DMD: variants seen among roughly 807,000 people sequenced by gnomAD.
DMD encodes dystrophin, also known as mutant dystrophin.
In DMD, 63 loss-of-function variants were observed where a neutral mutation model predicts 330.1. The ratio of observed to expected loss-of-function variants is 0.19; its 90% CI spans 0.16 to 0.24. The LOEUF (loss-of-function observed/expected upper bound fraction) is 0.24. Ranked by LOEUF, DMD falls within the 10% of genes least tolerant of loss-of-function variation. The pLI is 1.00. For missense variants in DMD, 3,344 were observed against 2,684.1 expected (o/e 1.25, Z -5.43); for synonymous variants, 1,223 against 959.8 (o/e 1.27, Z -5.07).
At chrX:31,736,003 T>A (rs1178107703) in intron 51 of DMD, among the ~76,000 whole-genome samples, 1 of 110,754 alleles carries the variant, frequency 9.0e-6, no homozygotes. Flanking sequence ...AAATTCTTAA[T>A]TTTTTTTTAA....
chrX:32,530,412 G>A (rs934777634), intron 17 of DMD, among the ~76,000 whole-genome samples: 3 of 111,995 alleles, frequency 2.7e-5, no homozygotes, highest in East Asian at 2.8e-4. Context: ...ATATTTTGAC[G>A]TCTGGTAGGT....
chrX:33,304,520 T>A (rs1216478814), intron 1 of DMD, among the ~76,000 whole-genome samples: 2 of 110,568 alleles, frequency 1.8e-5, no homozygotes, highest in East Asian at 5.7e-4. Flanking sequence ...GGACTTCATG[T>A]CTAAAACACC....
intron 23 of DMD, 87 bp from the exon 24 acceptor site, chrX:32,464,786 C>G: frequency 1.5e-6 from 1 of 663,613 alleles, no homozygotes; most frequent in Non-Finnish European, 2.5e-6. Context: ...AACACAGGCC[C>G]AAAAACAATT....
intron 2 of DMD, 47 bp downstream of exon 2, chrX:33,020,092 A>T (rs779755807): frequency 9.4e-7 from 1 of 1,067,107 alleles, no homozygotes; most frequent in Non-Finnish European, 1.3e-6. Context: ...CCATTTTGAA[A>T]ATTTCACAAC....
chrX:32,054,199 T>A (rs938253969), intron 44 of DMD, among the ~76,000 whole-genome samples: 1 of 108,985 alleles, frequency 9.2e-6, no homozygotes, highest in Non-Finnish European at 1.9e-5. Flanking sequence ...TCTTCTTTTT[T>A]TTTTTTATTA....
intron 44 of DMD, among the ~76,000 whole-genome samples, chrX:32,017,927 C>A (rs2095777240): frequency 9.0e-6 from 1 of 111,318 alleles, no homozygotes; most frequent in African/African-American, 3.3e-5. Flanking sequence ...ATGCTTTTTT[C>A]CCCCTTCTAA....
rs150647092 is a variant in DMD, at chrX:32,624,667, G to A, written c.1332-10214C>T. 6.8e-3 allele frequency among the ~76,000 whole-genome samples: 753 copies of A among 111,396 alleles called. 9 individuals are homozygous for A. Among genetic ancestry groups the A allele is most frequent in the African/African-American group, 0.023 (703 of 30,626 alleles). On this transcript the variant is annotated intron_variant, in intron 11 of 78. Coordinates refer to ENST00000357033, the MANE Select transcript of DMD (RefSeq NM_004006.3). ...ACTGCCCAAGGGATATCAATGCTTC[G>A]GATCCATTAATCACATTTTAAGGAG...
intron 1 of DMD, among the ~76,000 whole-genome samples, chrX:33,318,834 C>T (rs976026108): frequency 9.0e-6 from 1 of 111,071 alleles, no homozygotes; most frequent in African/African-American, 3.3e-5. Flanking sequence ...CTCTTCTTAA[C>T]ATGCTCATGT....
intron 56 of DMD, among the ~76,000 whole-genome samples, chrX:31,501,968 C>G (rs1886226285): frequency 9.0e-6 from 1 of 111,445 alleles, no homozygotes; most frequent in Non-Finnish European, 1.9e-5. Context: ...AACGAATCCA[C>G]ACACCTACAG....
rs942634837 is a variant in DMD at position 33,190,027 on chromosome X, G to C, written c.31+21255C>G. Among the ~76,000 whole-genome samples, 8 of 111,372 alleles carry C rather than the reference G, an allele frequency of 7.2e-5. 1 individual carries two copies. Among genetic ancestry groups the C allele is most frequent in the African/African-American group, 2.6e-4 (8 of 30,653 alleles). On this transcript the variant is annotated intron_variant, in intron 1 of 78. Coordinates refer to ENST00000357033, the MANE Select transcript of DMD (RefSeq NM_004006.3). ...GCTTTATTTCAGCTAACAAAGAATA[G>C]CCCTACACAAAGGAATTGCAAATAT... is the stretch of plus-strand genomic sequence containing the variant.
intron 1 of DMD, among the ~76,000 whole-genome samples, chrX:33,331,526 T>C (rs768173585): frequency 1.8e-5 from 2 of 111,980 alleles, no homozygotes; most frequent in East Asian, 2.8e-4. Context: ...GTTGTAACAA[T>C]GTCATGACCA....
chrX:32,949,255 C>CACAT (rs1258979700), intron 2 of DMD, among the ~76,000 whole-genome samples: 1 of 16,676 alleles, frequency 6.0e-5, no homozygotes, highest in Non-Finnish European at 1.3e-4. Context: ...GTTACATACA[C>CACAT]ACACACACAC....
At chrX:33,162,169 A>G (rs2048802307) in intron 1 of DMD, among the ~76,000 whole-genome samples, 1 of 112,193 alleles carries the variant, frequency 8.9e-6, no homozygotes. Context: ...TTCCTCTTGG[A>G]TAAGAGATAG....
chrX:31,846,131 G>A (rs1415802670), intron 48 of DMD, among the ~76,000 whole-genome samples: 1 of 110,207 alleles, frequency 9.1e-6, no homozygotes, highest in Non-Finnish European at 1.9e-5. Flanking sequence ...ATGAAAAGGG[G>A]TGCCACCATG....
intron 43 of DMD, among the ~76,000 whole-genome samples, chrX:32,253,278 G>T (rs1474269762): frequency 9.0e-6 from 1 of 110,512 alleles, no homozygotes; most frequent in Non-Finnish European, 1.9e-5. Flanking sequence ...GACACTAAGA[G>T]AATAGAAGTT....
intron 42 of DMD, among the ~76,000 whole-genome samples, chrX:32,295,302 T>A (rs73462026): frequency 0.064 from 7,182 of 111,739 alleles, 552 homozygotes; most frequent in African/African-American, 0.22. Flanking sequence ...TCCAATAAGT[T>A]AAAGAAGACC....
chrX:31,624,819 A>C (rs1011167774), intron 55 of DMD, among the ~76,000 whole-genome samples: 6 of 112,275 alleles, frequency 5.3e-5, no homozygotes, highest in African/African-American at 1.9e-4. Context: ...TCCTACCTAC[A>C]TATTATAGAA....
chrX:32,980,079 A>G (rs1489872940), intron 2 of DMD, among the ~76,000 whole-genome samples: 1 of 110,814 alleles, frequency 9.0e-6, no homozygotes, highest in African/African-American at 3.3e-5. Context: ...AAAATGGGGT[A>G]CAGGGGCCAG....
intron 47 of DMD, among the ~76,000 whole-genome samples, chrX:31,905,758 T>C (rs1216397042): frequency 8.9e-6 from 1 of 111,825 alleles, no homozygotes. Context: ...TAACATGTAA[T>C]ATAGAGTTGA....
Sources: allele counts gnomAD v4.1 joint callset (sites outside exome capture counted in the v4.1 genomes callset), GRCh38; gene constraint gnomAD v4.1.1; transcripts MANE v1.5; gene names NCBI Gene and HGNC (gene_info 2026-07-23, HGNC 2026-07-21).